Variants in SGMS1 observed in about 807,000 individuals in gnomAD.
SGMS1 encodes the protein sphingomyelin synthase 1, also known as phosphatidylcholine:ceramide cholinephosphotransferase 1.
A neutral mutation model predicts 46.2 loss-of-function variants in SGMS1; 13 were observed. That is an observed-to-expected ratio of 0.28 (90% CI 0.18 to 0.45). The LOEUF is 0.45. Ranked by LOEUF, SGMS1 falls within the 20% of genes least tolerant of loss-of-function variation. SGMS1 has a pLI of 1.00. For synonymous variants in SGMS1, 203 were observed against 187.8 expected (o/e 1.08, Z -0.66); for missense variants, 324 against 519.9 (o/e 0.62, Z 3.66).
At chr10:50,466,995 A>G (rs1249411029) in intron 3 of SGMS1, 63 bp from the exon 4 acceptor site, 9 of 152,326 alleles carry the variant, frequency 5.9e-5, no homozygotes, top group Non-Finnish European at 1.0e-4. Context: ...TATAAGAAAA[A>G]AAACTAAAAT....
chr10:50,314,912 C>A (rs975647668), intron 8 of SGMS1, among the ~76,000 whole-genome samples: 10 of 152,078 alleles, frequency 6.6e-5, no homozygotes, highest in Admixed American at 2.0e-4. Context: ...CAAAGTGAGA[C>A]CCTGTCTCTA....
intron 8 of SGMS1, among the ~76,000 whole-genome samples, chr10:50,314,680 A>T (rs1847310359): frequency 6.6e-6 from 1 of 152,190 alleles, no homozygotes; most frequent in Non-Finnish European, 1.5e-5. Context: ...TCATTTCTGT[A>T]ATCTCAGCAC....
intron 3 of SGMS1, among the ~76,000 whole-genome samples, chr10:50,500,993 A>T (rs1443681000): frequency 6.6e-6 from 1 of 152,198 alleles, no homozygotes; most frequent in African/African-American, 2.4e-5. Context: ...TTTTCCAAAG[A>T]ACCAATTAAC....
intron 6 of SGMS1, among the ~76,000 whole-genome samples, chr10:50,350,101 C>G (rs1847981479): frequency 6.6e-6 from 1 of 152,148 alleles, no homozygotes; most frequent in African/African-American, 2.4e-5. Context: ...AAGGTCCAGG[C>G]TGAGGTGGAC....
intron 2 of SGMS1, among the ~76,000 whole-genome samples, chr10:50,549,761 T>C (rs967993837): frequency 2.0e-5 from 3 of 152,198 alleles, no homozygotes; most frequent in South Asian, 2.1e-4. Context: ...TTTCTCTTTA[T>C]AAGACATGCA....
chr10:50,311,965 G>C (rs1238794543), intron 8 of SGMS1, among the ~76,000 whole-genome samples: 1 of 152,048 alleles, frequency 6.6e-6, no homozygotes, highest in Non-Finnish European at 1.5e-5. Flanking sequence ...AAATTATGTA[G>C]GTAACATTGA....
chr10:50,573,915 C>A (rs1368454243), intron 2 of SGMS1, among the ~76,000 whole-genome samples: 1 of 152,104 alleles, frequency 6.6e-6, no homozygotes, highest in East Asian at 1.9e-4. Flanking sequence ...CAAGAACACA[C>A]AATGGGGCAA....
chr10:50,418,569 C>T (rs1211481699), intron 6 of SGMS1: 2 of 152,190 alleles, frequency 1.3e-5, no homozygotes, highest in Non-Finnish European at 2.9e-5. Flanking sequence ...AGCTTAGAAG[C>T]CTTTCACAGC....
chr10:50,399,908 A>T (rs1848906459), intron 6 of SGMS1, among the ~76,000 whole-genome samples: 1 of 151,884 alleles, frequency 6.6e-6, no homozygotes. Flanking sequence ...GGGCGCCTGT[A>T]GTCCCAGCCA....
intron 7 of SGMS1, chr10:50,340,613 G>A (rs995195304): frequency 6.6e-6 from 1 of 151,910 alleles, no homozygotes; most frequent in African/African-American, 2.4e-5. Context: ...GATATGCAGG[G>A]GAGACATTAA....
chr10:50,599,312 T>G (rs1838626609), intron 1 of SGMS1, among the ~76,000 whole-genome samples: 1 of 152,242 alleles, frequency 6.6e-6, no homozygotes, highest in Non-Finnish European at 1.5e-5. Flanking sequence ...CCTTGCATTT[T>G]CAGTCTCACT....
At chr10:50,590,283 C>A (rs1016907726) in intron 1 of SGMS1, 36 bp from the exon 2 acceptor site, 18 of 152,336 alleles carry the variant, frequency 1.2e-4, no homozygotes, top group Admixed American at 9.2e-4. Flanking sequence ...CGTGTTATCA[C>A]CAAGAATTTT....
intron 6 of SGMS1, among the ~76,000 whole-genome samples, chr10:50,371,407 A>G (rs2842105): frequency 0.35 from 52,493 of 152,136 alleles, 9,243 homozygotes; most frequent in South Asian, 0.4. Flanking sequence ...CAAGGCAGCA[A>G]GAGAACTTTT....
chr10:50,442,341 C>T (rs1160796620), intron 5 of SGMS1, among the ~76,000 whole-genome samples: 1 of 151,980 alleles, frequency 6.6e-6, no homozygotes, highest in Non-Finnish European at 1.5e-5. Context: ...CCCTCCCCCA[C>T]CGCCCCCCTC....
At chr10:50,447,193 A>C (rs1837029234) in intron 5 of SGMS1, among the ~76,000 whole-genome samples, 1 of 152,206 alleles carries the variant, frequency 6.6e-6, no homozygotes, top group African/African-American at 2.4e-5. Context: ...CTCAAAAAGA[A>C]AATAAACTAT....
chr10:50,395,777 T>C (rs554025737), intron 6 of SGMS1, among the ~76,000 whole-genome samples: 1 of 152,288 alleles, frequency 6.6e-6, no homozygotes, highest in South Asian at 2.1e-4. Context: ...GTTTTGATGT[T>C]CCGGCATCAC....
chr10:50,456,676 C>G (rs1007572496), intron 5 of SGMS1, among the ~76,000 whole-genome samples: 1 of 152,132 alleles, frequency 6.6e-6, no homozygotes. Flanking sequence ...CAGGTAGTAG[C>G]TGCTGACCCA....
chr10:50,366,511 T>C (rs955146749), intron 6 of SGMS1, among the ~76,000 whole-genome samples: 11 of 152,208 alleles, frequency 7.2e-5, no homozygotes, highest in East Asian at 1.9e-4. Flanking sequence ...CGTATGTTTA[T>C]TGTGGCACTA....
intron 2 of SGMS1, among the ~76,000 whole-genome samples, chr10:50,532,497 G>C (rs541412499): frequency 6.6e-6 from 1 of 152,200 alleles, no homozygotes; most frequent in East Asian, 1.9e-4. Flanking sequence ...TGGTGTTTTT[G>C]TCATCAGAAA....
Sources: gnomAD v4.1 joint callset for allele counts (sites outside exome capture counted in the v4.1 genomes callset) on GRCh38, gnomAD v4.1.1 for gene constraint, MANE v1.5 for transcripts, NCBI Gene and HGNC (gene_info 2026-07-23, HGNC 2026-07-21) for gene names.